The following DCC variants were observed in gnomAD, a reference collection of about 807,000 sequenced individuals.
The protein encoded by DCC is netrin receptor DCC.
DCC carries 58 observed loss-of-function variants against 172.5 expected under a neutral mutation model. That is an observed-to-expected ratio of 0.34 (90% CI 0.27 to 0.42). The LOEUF (loss-of-function observed/expected upper bound fraction) is 0.42. Among genes scored for constraint, DCC ranks in the 10% least tolerant of loss-of-function variants. DCC has a pLI of 1.00. For missense variants in DCC, 1,740 were observed against 1,791.0 expected (o/e 0.97, Z 0.51); for synonymous variants, 709 against 644.5 (o/e 1.10, Z -1.52).
chr18:52,961,140 G>T (rs1325623415), intron 5 of DCC, among the ~76,000 whole-genome samples: 1 of 152,100 alleles, frequency 6.6e-6, no homozygotes, highest in Non-Finnish European at 1.5e-5. Context: ...GGGGCCTGTT[G>T]TGCGGTGGGG....
intron 7 of DCC, among the ~76,000 whole-genome samples, chr18:53,088,709 G>A (rs920995056): frequency 3.9e-5 from 6 of 152,160 alleles, no homozygotes; most frequent in East Asian, 1.9e-4. Flanking sequence ...TCAAATAGAC[G>A]CAATAAAAAA....
chr18:52,723,056 T>C (rs2036497245), intron 1 of DCC, among the ~76,000 whole-genome samples: 1 of 152,226 alleles, frequency 6.6e-6, no homozygotes, highest in African/African-American at 2.4e-5. Context: ...CCAAGGCTGC[T>C]TTTGACAAAG....
intron 19 of DCC, among the ~76,000 whole-genome samples, chr18:53,409,315 G>A (rs1568113756): frequency 6.6e-6 from 1 of 152,208 alleles, no homozygotes; most frequent in Admixed American, 6.5e-5. Flanking sequence ...CCCCAGTCCA[G>A]CTGGGACAAG....
At chr18:52,868,741 A>C (rs1452564846) in intron 2 of DCC, among the ~76,000 whole-genome samples, 4 of 152,190 alleles carry the variant, frequency 2.6e-5, no homozygotes, top group African/African-American at 9.7e-5. Flanking sequence ...GACACTGCTC[A>C]GCTCACACTA....
chr18:53,408,823 T>A (rs1287748527), intron 19 of DCC, among the ~76,000 whole-genome samples: 3 of 152,190 alleles, frequency 2.0e-5, no homozygotes, highest in African/African-American at 7.2e-5. Context: ...AAAATAGATG[T>A]AAGTTTTCAG....
chr18:52,757,487 C>T (rs1403587693), intron 2 of DCC, among the ~76,000 whole-genome samples: 6 of 152,136 alleles, frequency 3.9e-5, no homozygotes, highest in Non-Finnish European at 8.8e-5. Context: ...GTCCACCCTT[C>T]CCCACACCTA....
intron 2 of DCC, among the ~76,000 whole-genome samples, chr18:52,802,331 T>G (rs2038005168): frequency 6.6e-6 from 1 of 152,088 alleles, no homozygotes. Flanking sequence ...AAGATTAGGC[T>G]ACAGAAGGAA....
At chr18:53,452,380 T>A (rs939674778) in intron 23 of DCC, among the ~76,000 whole-genome samples, 7 of 151,988 alleles carry the variant, frequency 4.6e-5, no homozygotes, top group African/African-American at 7.2e-5. Flanking sequence ...TTGATTTGGG[T>A]TCCCCCCCGC....
intron 15 of DCC, among the ~76,000 whole-genome samples, chr18:53,377,670 G>T (rs1205349309): frequency 6.6e-6 from 1 of 152,196 alleles, no homozygotes; most frequent in Non-Finnish European, 1.5e-5. Flanking sequence ...TGTCACACTG[G>T]ATTAAGGTGA....
intron 1 of DCC, among the ~76,000 whole-genome samples, chr18:52,355,744 A>T (rs1984334955): frequency 6.6e-6 from 1 of 152,206 alleles, no homozygotes. Context: ...AAGAAAAAAA[A>T]AGGTGACCAG....
intron 2 of DCC, among the ~76,000 whole-genome samples, chr18:52,811,074 T>A (rs2038188772): frequency 6.6e-6 from 1 of 152,056 alleles, no homozygotes. Context: ...TGTGGGAAAT[T>A]GAACAATTCA....
At chr18:53,230,213 T>C (rs2056101207) in intron 12 of DCC, among the ~76,000 whole-genome samples, 1 of 152,166 alleles carries the variant, frequency 6.6e-6, no homozygotes, top group African/African-American at 2.4e-5. Context: ...AATTTAATTA[T>C]AGACATTTAT....
intron 8 of DCC, among the ~76,000 whole-genome samples, chr18:53,162,590 T>G (rs1293289292): frequency 1.3e-5 from 2 of 152,170 alleles, no homozygotes; most frequent in Non-Finnish European, 1.5e-5. Context: ...TCCTTATGTT[T>G]CCTAAATATT....
At chr18:53,403,019 A>T in intron 19 of DCC, 126 bp downstream of exon 19, 1 of 747,338 alleles carries the variant, frequency 1.3e-6, no homozygotes. Context: ...TGACTCCATG[A>T]CCCTTTTTGA....
At chr18:53,002,833 A>T (rs888233078) in intron 5 of DCC, among the ~76,000 whole-genome samples, 1 of 152,108 alleles carries the variant, frequency 6.6e-6, no homozygotes, top group African/African-American at 2.4e-5. Context: ...TTTGCACCTG[A>T]TATATTCATA....
chr18:52,688,449 A>T (rs916448299), intron 1 of DCC, among the ~76,000 whole-genome samples: 2 of 152,128 alleles, frequency 1.3e-5, no homozygotes, highest in African/African-American at 4.8e-5. Context: ...TTAAGACCTT[A>T]GGCTCTTTCA....
At position 52,664,596 on chromosome 18, in the gene DCC, G is replaced by A. The variant is rs368445975; in HGVS notation, c.92-87458G>A. 2.0e-4 allele frequency among the ~76,000 whole-genome samples: 28 copies of A among 143,214 alleles called. No homozygotes were observed. The East Asian group carries it at 4.8e-3, about 25-fold the overall frequency. The allele number at this position is 143,214 out of a possible 152,430, so 94.0% of individuals were successfully genotyped here. On this transcript the variant is annotated intron_variant, in intron 1 of 28. Coordinates refer to ENST00000442544, the MANE Select transcript of DCC (RefSeq NM_005215.4). Reference sequence around the variant, plus strand: ...CGCCATTCTCCTGCCTCAGCCTCCCGAGTAGCTGGGACTACAGGCGCCCGC... The same window carrying A: ...CGCCATTCTCCTGCCTCAGCCTCCCAAGTAGCTGGGACTACAGGCGCCCGC...
At chr18:52,894,601 C>T (rs2039701350) in intron 2 of DCC, among the ~76,000 whole-genome samples, 1 of 151,604 alleles carries the variant, frequency 6.6e-6, no homozygotes, top group African/African-American at 2.4e-5. Context: ...GCTTAGAAGT[C>T]CTAGTATCTA....
chr18:53,156,561 T>C (rs974805238), intron 7 of DCC, among the ~76,000 whole-genome samples: 2 of 152,204 alleles, frequency 1.3e-5, no homozygotes, highest in African/African-American at 4.8e-5. Context: ...ATGTGATTTT[T>C]CTTTGTCAGA....
Sources: allele counts gnomAD v4.1 joint callset (sites outside exome capture counted in the v4.1 genomes callset), GRCh38; gene constraint gnomAD v4.1.1; transcripts MANE v1.5; gene names NCBI Gene and HGNC (gene_info 2026-07-23, HGNC 2026-07-21).